GPR142: variants seen among roughly 807,000 people sequenced by gnomAD.
GPR142 encodes G protein-coupled receptor 142.
In GPR142, 9 loss-of-function variants were observed where a neutral mutation model predicts 10.6. That is an observed-to-expected ratio of 0.85 (90% CI 0.51 to 1.48). GPR142 has a LOEUF of 1.48. Ranked by LOEUF, GPR142 falls within the 40% of genes most tolerant of loss-of-function variation. The pLI is 0.00. For synonymous variants in GPR142, 202 were observed against 221.2 expected, an observed-to-expected ratio of 0.91 and a Z score of 0.77; for missense variants, 482 against 506.0, an observed-to-expected ratio of 0.95 and a Z score of 0.45.
At chr17:74,368,842 G>A (rs934257085) in intron 1 of GPR142, among the ~76,000 whole-genome samples, 6 of 152,156 alleles carry the variant, frequency 3.9e-5, no homozygotes, top group African/African-American at 9.7e-5. Context: ...TCCCAGCACC[G>A]GCTGCAGGCA....
intron 1 of GPR142, among the ~76,000 whole-genome samples, chr17:74,369,024 T>C (rs1175736949): frequency 6.6e-6 from 1 of 151,986 alleles, no homozygotes; most frequent in Non-Finnish European, 1.5e-5. Flanking sequence ...GCCTTACCAC[T>C]CCTACCTGGC....
Position 74,367,581 on chromosome 17 carries a change from CT to C in GPR142, c.-286del. 1 of 1,614,162 alleles carries C rather than the reference CT, an allele frequency of 6.2e-7. No homozygotes were observed. The highest frequency in any genetic ancestry group is 8.5e-7 in the Non-Finnish European group (1 of 1,180,008). On this transcript the variant is annotated 5_prime_UTR_variant, in exon 1 of 4. The change creates a premature stop within an existing upstream ORF in the 5' untranslated region. Coordinates refer to ENST00000582579, the MANE Select transcript of GPR142 (RefSeq NM_001331076.1). The stretch of plus-strand genomic sequence containing the variant: ...TTCCCTGCAGGACATCACTGCTGTC[CT>C]GGGTACAGAAGCATATACTGAGGAA...
chr17:74,371,578 T>C lies in GPR142; in HGVS notation c.254-151T>C, dbSNP rs766537584. 1.5e-5 allele frequency: 12 copies of C among 825,506 alleles called. No individual in the cohort carries two copies. The Middle Eastern group carries it at 3.3e-3, about 228-fold the overall frequency. 51.1% of individuals were successfully genotyped at this position (825,506 alleles called of 1,614,324 possible). ...GGCCTGGGTGGCCTTCTGGGCAAAG[T>C]GGGGTTTCAGAAGGATCTGGAAGGA... On this transcript the variant is annotated intron_variant, in intron 3 of 3. Transcript: ENST00000582579.
chr17:74,368,121 A>C (rs1479524068), intron 1 of GPR142, among the ~76,000 whole-genome samples: 8 of 152,110 alleles, frequency 5.3e-5, no homozygotes, highest in Admixed American at 5.2e-4. Context: ...AACTCTCTCT[A>C]TATCTATACA....
Position 74,372,369 on chromosome 17 carries a change from C to G in GPR142, c.894C>G (p.Val298=). 1 of 1,614,126 alleles carries G rather than the reference C, an allele frequency of 6.2e-7. No individual in the cohort carries two copies. The highest frequency in any genetic ancestry group is 1.3e-5 in the African/African-American group (1 of 75,066). Residue 298 remains valine (V), a synonymous_variant, in exon 4 of 4, where the codon GTC becomes GTG. Transcript: ENST00000582579. ...VMLYHMYVAP[V]HRDWRVHLAL... Reference sequence around the variant, plus strand: ...TCTACCACATGTACGTGGCCCCTGTCCACCGGGACTGGAGGGTCCACCTGG... The same window carrying G: ...TCTACCACATGTACGTGGCCCCTGTGCACCGGGACTGGAGGGTCCACCTGG...
Position 74,372,432 on chromosome 17 carries a change from G to A in GPR142, c.957G>A (p.Thr319=), listed in dbSNP as rs145156493. ...CCAATATGGTGGCCATGCTCCACACGGCAGCCAACTTCGGCCTCTACTGCT... is the reference window on the plus strand; with the variant it reads ...CCAATATGGTGGCCATGCTCCACACAGCAGCCAACTTCGGCCTCTACTGCT... ...DVANMVAMLH[T]AANFGLYCFV... The change falls in exon 4 of 4, where the codon ACG becomes ACA. Residue 319 remains threonine, a synonymous_variant. Coordinates refer to ENST00000582579, the MANE Select transcript of GPR142 (RefSeq NM_001331076.1). 3.1e-5 allele frequency: 50 copies of A among 1,613,840 alleles called. No individual in the cohort carries two copies. Among genetic ancestry groups the A allele is most frequent in the African/African-American group, 1.9e-4 (14 of 74,938 alleles).
chr17:74,367,840 C>CA, intron 1 of GPR142, 46 bp downstream of exon 1: 1 of 1,497,934 alleles, frequency 6.7e-7, no homozygotes, highest in Middle Eastern at 2.0e-4. Context: ...GTAGCAAACT[C>CA]AGTCCCCCTC....
intron 1 of GPR142, among the ~76,000 whole-genome samples, chr17:74,368,376 A>T (rs2144336287): frequency 6.6e-6 from 1 of 152,014 alleles, no homozygotes; most frequent in African/African-American, 2.4e-5. Flanking sequence ...CTCCAGTCCC[A>T]CTGTGCCACC....
chr17:74,369,730 G>A, intron 2 of GPR142, 96 bp downstream of exon 2: 2 of 1,302,476 alleles, frequency 1.5e-6, no homozygotes, highest in South Asian at 1.5e-5. Flanking sequence ...TGGAGTAGGG[G>A]CCAAAGCTGA....
At position 74,369,479 on chromosome 17, in the gene GPR142, G is replaced by A. The variant is rs1320390802; in HGVS notation, c.-62G>A. On this transcript the variant is annotated 5_prime_UTR_variant, in exon 2 of 4. Transcript: ENST00000582579. The stretch of plus-strand genomic sequence containing the variant: ...CCCTGCACTAACAGGCTCAGTGTCT[G>A]CGTAAGGATCCTGGGGCAAACAACC... 7.1e-6 allele frequency: 11 copies of A among 1,557,054 alleles called. No individual in the cohort carries two copies. The highest frequency in any genetic ancestry group is 1.2e-5 in the South Asian group (1 of 84,448).
At chr17:74,370,227 G>A (rs1007725171) in intron 2 of GPR142, among the ~76,000 whole-genome samples, 3 of 152,214 alleles carry the variant, frequency 2.0e-5, no homozygotes, top group Non-Finnish European at 4.4e-5. Context: ...CCGGGTGAGG[G>A]CCCATGGGGA....
In GPR142 at chr17:74,371,663, C is replaced by A. The variant is rs1210125449; in HGVS notation, c.254-66C>A. The A allele has an allele frequency of 2.9e-5, 43 of 1,489,578 alleles. 1 individual carries two copies. In the East Asian group the frequency reaches 9.1e-4, roughly 32 times the overall value. The allele number at this position is 1,489,578 out of a possible 1,614,324, so 92.3% of individuals were successfully genotyped here. ...CAGATGGGGAGGTGCGATGGCGACA[C>A]CTTGGAAAGCAGAGTCTGAGCTCTC... is the stretch of plus-strand genomic sequence containing the variant. On this transcript the variant is annotated intron_variant, in intron 3 of 3. Coordinates refer to ENST00000582579, the MANE Select transcript of GPR142 (RefSeq NM_001331076.1).
Position 74,367,510 on chromosome 17 carries a change from G to A in GPR142, c.-358G>A. 1 of 1,613,944 alleles carries A rather than the reference G, an allele frequency of 6.2e-7. No individual in the cohort carries two copies. ...TGGATCCCAGCGTTGTTAGCAATGAGTATTATGATGTTGCCCATGGAGCAA... is the reference window on the plus strand; with the variant it reads ...TGGATCCCAGCGTTGTTAGCAATGAATATTATGATGTTGCCCATGGAGCAA... On this transcript the variant is annotated 5_prime_UTR_variant, in exon 1 of 4. Transcript: ENST00000582579.
At position 74,372,501 on chromosome 17, in the gene GPR142, C is replaced by T. The variant is rs767148258; in HGVS notation, c.1026C>T (p.His342=). The T allele has an allele frequency of 1.3e-5, 21 of 1,613,508 alleles. No homozygotes were observed. The highest frequency in any genetic ancestry group is 1.6e-4 in the Middle Eastern group (1 of 6,084). Residue 342 remains histidine, a synonymous_variant, in exon 4 of 4, where the codon CAC becomes CAT. Coordinates refer to ENST00000582579, the MANE Select transcript of GPR142 (RefSeq NM_001331076.1). ...GGGCCACTGTCCGACAGGTCATCCA[C>T]GATGCCTACCTGCCCTGCACTTTGG... is the stretch of plus-strand genomic sequence containing the variant. The part of the protein sequence containing the change: ...TFRATVRQVI[H]DAYLPCTLAS...
In GPR142 at chr17:74,370,555, C is replaced by T; in HGVS notation, c.129C>T (p.Pro43=). 6.2e-7 allele frequency: 1 copy of T among 1,613,466 alleles called. No individual in the cohort carries two copies. Among genetic ancestry groups the T allele is most frequent in the Non-Finnish European group, 8.5e-7 (1 of 1,179,704 alleles). The change falls in exon 3 of 4, where the codon CCC becomes CCT. Residue 43 remains proline (P), a synonymous_variant. Transcript: ENST00000582579. ...GQPRVTLLPT[P]HVSGLSQEFE... is the part of the protein sequence containing the mutation. ...CACGAGTGACCCTGCTGCCCACGCCCCACGTCAGCGGGCTGAGCCAGGAGT... is the reference window on the plus strand; with the variant it reads ...CACGAGTGACCCTGCTGCCCACGCCTCACGTCAGCGGGCTGAGCCAGGAGT...
chr17:74,371,509 C>T (rs539941619), intron 3 of GPR142, among the ~76,000 whole-genome samples: 8 of 152,264 alleles, frequency 5.3e-5, no homozygotes, highest in Non-Finnish European at 1.0e-4. Context: ...TGTGCATAAC[C>T]GGGGTACAGC....
In GPR142 at chr17:74,367,596, T is replaced by C. The variant is rs760250974; in HGVS notation, c.-272T>C. The C allele has an allele frequency of 6.2e-7, 1 of 1,614,152 alleles. No individual in the cohort carries two copies. Among genetic ancestry groups the C allele is most frequent in the Non-Finnish European group, 8.5e-7 (1 of 1,180,020 alleles). On this transcript the variant is annotated 5_prime_UTR_variant, in exon 1 of 4. Coordinates refer to ENST00000582579, the MANE Select transcript of GPR142 (RefSeq NM_001331076.1). ...CACTGCTGTCCTGGGTACAGAAGCA[T>C]ATACTGAGGAAGACAAATCAATGGT...
Position 74,367,694 on chromosome 17 carries a change from G to A in GPR142, c.-174G>A. Reference sequence around the variant, plus strand: ...GGCTGAGGTCTCCACAGGTCACAGGGGGAAGCTGGGACCTCCGAATAAGGC... The same window carrying A: ...GGCTGAGGTCTCCACAGGTCACAGGAGGAAGCTGGGACCTCCGAATAAGGC... On this transcript the variant is annotated 5_prime_UTR_variant, in exon 1 of 4. Transcript: ENST00000582579. 6.2e-7 allele frequency: 1 copy of A among 1,612,716 alleles called. No individual in the cohort carries two copies. The highest frequency in any genetic ancestry group is 1.1e-5 in the South Asian group (1 of 90,742).
Position 74,372,569 on chromosome 17 carries a change from C to G in GPR142, c.1094C>G (p.Pro365Arg), listed in dbSNP as rs373536987. The G allele has an allele frequency of 3.0e-5, 48 of 1,608,222 alleles. No individual in the cohort carries two copies. The highest frequency in any genetic ancestry group is 4.0e-5 in the Non-Finnish European group (47 of 1,179,930). ...ATGGCGGCGAAGCCTGTGATGGAGC[C>G]TCCGGGACTCCCCACAGGGGCAGAA... ...EGMAAKPVME[P>R]PGLPTGAEV Residue 365 changes from proline (P) to arginine (R), a missense_variant, in exon 4 of 4, where the codon CCT becomes CGT. Coordinates refer to ENST00000582579, the MANE Select transcript of GPR142 (RefSeq NM_001331076.1).
Sources: gnomAD v4.1 joint callset for allele counts (sites outside exome capture counted in the v4.1 genomes callset) on GRCh38, gnomAD v4.1.1 for gene constraint, MANE v1.5 for transcripts, NCBI Gene and HGNC (gene_info 2026-07-23, HGNC 2026-07-21) for gene names.